EPN2: variants seen among roughly 807,000 people sequenced by gnomAD.
EPN2 encodes epsin 2.
In EPN2, 34 loss-of-function variants were observed where a neutral mutation model predicts 61.7. The observed-to-expected ratio is 0.55, with a 90% CI of 0.42 to 0.73. The LOEUF is 0.73. Among genes scored for constraint, EPN2 ranks in the 30% least tolerant of loss-of-function variants. The pLI, the probability that EPN2 is intolerant of heterozygous loss-of-function variation, is 0.00. For missense variants in EPN2, 714 were observed against 839.2 expected (o/e 0.85, Z 1.84); for synonymous variants, 349 against 353.6 (o/e 0.99, Z 0.15).
intron 1 of EPN2, among the ~76,000 whole-genome samples, chr17:19,238,433 C>T (rs2152195614): frequency 6.6e-6 from 1 of 152,314 alleles, no homozygotes; most frequent in East Asian, 1.9e-4. Flanking sequence ...GCTTGAGCTC[C>T]CTGTGAATCC....
At chr17:19,311,511 T>C (rs1008617475) in intron 5 of EPN2, among the ~76,000 whole-genome samples, 9 of 151,984 alleles carry the variant, frequency 5.9e-5, no homozygotes, top group Non-Finnish European at 8.8e-5. Flanking sequence ...TTAATTATTA[T>C]ATTATATAAA....
At chr17:19,278,016 GTGAGCC>G (rs1024536599) in intron 1 of EPN2, among the ~76,000 whole-genome samples, 114 of 149,306 alleles carry the variant, frequency 7.6e-4, no homozygotes, top group African/African-American at 2.7e-3. Flanking sequence ...GGAGCTTGCA[GTGAGCC>G]GAGATCACAC....
At chr17:19,249,375 A>G (rs2044988030) in intron 1 of EPN2, 1 of 152,162 alleles carries the variant, frequency 6.6e-6, no homozygotes, top group Admixed American at 6.5e-5. Flanking sequence ...TTGCAGTGAG[A>G]TGGATGTTCC....
At position 19,285,779 on chromosome 17, in the gene EPN2, G is replaced by A. The variant is rs567144915; in HGVS notation, c.755G>A (p.Arg252His). 6.3e-6 allele frequency: 10 copies of A among 1,598,068 alleles called. No individual in the cohort carries two copies. The highest frequency in any genetic ancestry group is 4.0e-5 in the African/African-American group (3 of 74,560). Residue 252 changes from arginine (R) to histidine (H), a missense_variant, in exon 4 of 11, where the codon CGC becomes CAC. Physicochemically the swap from Arg to His is conservative, Grantham distance 29 (BLOSUM62 0). Coordinates refer to ENST00000314728, the MANE Select transcript of EPN2 (RefSeq NM_014964.5). The surrounding 1 kb of genome is among the most constrained non-coding windows in gnomAD (Gnocchi z 4.5). ...DWSQPCLTCD[R>H]AARATSPRVS... ...TCCCAGCCCTGCCTCACTTGTGACC[G>A]CGCAGCCCGAGGTGGGACGGCGGTT...
intron 1 of EPN2, among the ~76,000 whole-genome samples, chr17:19,250,861 TA>T (rs2045008226): frequency 6.9e-6 from 1 of 144,962 alleles, no homozygotes. Flanking sequence ...CCCCCTCACT[TA>T]CTGCCTCTAT....
At chr17:19,277,400 CAAAAAA>C (rs58679739) in intron 1 of EPN2, among the ~76,000 whole-genome samples, 1 of 75,478 alleles carries the variant, frequency 1.3e-5, no homozygotes, top group African/African-American at 4.7e-5. Flanking sequence ...GACTCTGTCT[CAAAAAA>C]AAAAAAAAAA....
At chr17:19,255,284 T>C (rs1397493457) in intron 1 of EPN2, among the ~76,000 whole-genome samples, 1 of 152,076 alleles carries the variant, frequency 6.6e-6, no homozygotes, top group African/African-American at 2.4e-5. Flanking sequence ...TTTTTTATCT[T>C]GTGGAGAGTG....
intron 1 of EPN2, among the ~76,000 whole-genome samples, chr17:19,251,905 C>T (rs994576237): frequency 3.9e-5 from 6 of 152,060 alleles, no homozygotes; most frequent in East Asian, 1.9e-4. Context: ...CAAGTCTAAA[C>T]GTGAAATTCA....
intron 1 of EPN2, among the ~76,000 whole-genome samples, chr17:19,256,129 G>A (rs968332339): frequency 2.6e-5 from 4 of 151,986 alleles, no homozygotes; most frequent in African/African-American, 9.6e-5. Context: ...AGTAGAGACG[G>A]GGTTTCACCA....
At chr17:19,313,877 C>T (rs1362893752) in intron 7 of EPN2, 1 of 152,290 alleles carries the variant, frequency 6.6e-6, no homozygotes, top group East Asian at 1.9e-4. Context: ...TGATCTTGGG[C>T]CCACGAGTTT....
chr17:19,280,453 A>C (rs1193940231), intron 1 of EPN2, among the ~76,000 whole-genome samples: 1 of 152,208 alleles, frequency 6.6e-6, no homozygotes, highest in African/African-American at 2.4e-5. Context: ...TCACCGTGCA[A>C]AAGTTTTTAT....
chr17:19,293,180 G>A lies in EPN2; in HGVS notation c.766+7390G>A, dbSNP rs149380051. Among the ~76,000 whole-genome samples the A allele has an allele frequency of 6.5e-3, 989 of 151,924 alleles. 52 individuals carry two copies. The East Asian group carries it at 0.12, about 18-fold the overall frequency. On this transcript the variant is annotated intron_variant, in intron 4 of 10. Coordinates refer to ENST00000314728, the MANE Select transcript of EPN2 (RefSeq NM_014964.5). ...GATCACCTGAGGCCAGGAGTTCGAG[G>A]CCAGCTTGGCCAATATGGTGAAACC...
chr17:19,304,530 G>A (rs1231256849), intron 4 of EPN2, among the ~76,000 whole-genome samples: 1 of 152,250 alleles, frequency 6.6e-6, no homozygotes, highest in Non-Finnish European at 1.5e-5. Flanking sequence ...TGACGTGGAG[G>A]GTGGGGTGTC....
At chr17:19,279,684 C>T (rs1213070830) in intron 1 of EPN2, among the ~76,000 whole-genome samples, 1 of 151,886 alleles carries the variant, frequency 6.6e-6, no homozygotes, top group Non-Finnish European at 1.5e-5. Context: ...ATCCACCTGC[C>T]TCAGCCTCCC....
chr17:19,325,994 G>T (rs1396311092), intron 7 of EPN2, among the ~76,000 whole-genome samples: 1 of 152,126 alleles, frequency 6.6e-6, no homozygotes, highest in African/African-American at 2.4e-5. Context: ...AAGTTTAAAA[G>T]ATACTAGTTC....
intron 1 of EPN2, chr17:19,274,405 A>G (rs2045286120): frequency 6.6e-6 from 1 of 152,246 alleles, no homozygotes; most frequent in Non-Finnish European, 1.5e-5. Context: ...GCTGCCAGAC[A>G]TACATAGGTG....
In EPN2 at chr17:19,313,199, C is replaced by T. The variant is rs372779952; in HGVS notation, c.1067C>T (p.Pro356Leu). The change falls in exon 7 of 11, where the codon CCG becomes CTG. Residue 356 changes from proline to leucine, a missense_variant. Pro to Leu is a moderately conservative substitution (Grantham distance 98). Around this residue, in one of 2 missense-constraint regions of EPN2, gnomAD observed 410 missense variants for 421.8 expected, o/e 0.97. Coordinates refer to ENST00000314728, the MANE Select transcript of EPN2 (RefSeq NM_014964.5). ...GCCCAGAAAGCAGAGCCCTGGGGCC[C>T]GTCAGCCTCCACTAACCAGACCAAC... ...PAAQKAEPWG[P>L]SASTNQTNPW... The T allele has an allele frequency of 3.7e-5, 60 of 1,611,894 alleles. No individual in the cohort carries two copies. The East Asian group carries it at 5.6e-4, about 15-fold the overall frequency.
At chr17:19,326,653 C>T (rs1004804794) in intron 7 of EPN2, among the ~76,000 whole-genome samples, 2 of 131,582 alleles carry the variant, frequency 1.5e-5, no homozygotes, top group Admixed American at 1.8e-4. Context: ...CGCCACTGCA[C>T]TCCAGCCTGG....
chr17:19,261,206 C>T (rs2045138186), intron 1 of EPN2, among the ~76,000 whole-genome samples: 1 of 152,214 alleles, frequency 6.6e-6, no homozygotes, highest in African/African-American at 2.4e-5. Context: ...TTCCATGTTG[C>T]ACTCCCACTG....
Sources: gnomAD v4.1 joint callset for allele counts (sites outside exome capture counted in the v4.1 genomes callset) on GRCh38, gnomAD v4.1.1 for gene constraint, gnomAD v4.1.1 regional missense constraint, Gnocchi (gnomAD v3.1) non-coding constraint, MANE v1.5 for transcripts, NCBI Gene and HGNC (gene_info 2026-07-23, HGNC 2026-07-21) for gene names.